Variants in FRAS1 observed in about 807,000 individuals in gnomAD.
FRAS1 encodes the protein Fraser extracellular matrix complex subunit 1, also known as extracellular matrix organizing protein FRAS1.
A neutral mutation model predicts 435.2 loss-of-function variants in FRAS1; 290 were observed. The observed-to-expected ratio is 0.67, with a 90% CI of 0.61 to 0.73. FRAS1 has a LOEUF of 0.73. Among genes scored for constraint, FRAS1 ranks in the 30% least tolerant of loss-of-function variants. The pLI, the probability that FRAS1 is intolerant of heterozygous loss-of-function variation, is 0.00. For missense variants in FRAS1, 4,860 were observed against 5,001.5 expected, an observed-to-expected ratio of 0.97 and a Z score of 0.85; for synonymous variants, 1,800 against 1,851.0, an observed-to-expected ratio of 0.97 and a Z score of 0.71.
At chr4:78,414,909 G>T (rs60206494) in intron 32 of FRAS1, among the ~76,000 whole-genome samples, 1 of 152,194 alleles carries the variant, frequency 6.6e-6, no homozygotes, top group Non-Finnish European at 1.5e-5. Flanking sequence ...GCAGAGCAAT[G>T]ATATGGGAGC....
chr4:78,065,081 T>TATATATATACACACACACACAC (rs762909923), intron 1 of FRAS1, among the ~76,000 whole-genome samples: 1 of 125,692 alleles, frequency 8.0e-6, no homozygotes, highest in African/African-American at 3.0e-5. Context: ...TATATATATA[T>TATATATATACACACACACACAC]ATACATACAC....
At chr4:78,411,108 A>ATTTTTTTTTTTTTTTTTTTTTTTTTTT (rs369399937) in intron 31 of FRAS1, among the ~76,000 whole-genome samples, 1 of 142,856 alleles carries the variant, frequency 7.0e-6, no homozygotes. Flanking sequence ...AGTTGCATGG[A>ATTTTTTTTTTTTTTTTTTTTTTTTTTT]TTTTTTTTCT....
chr4:78,252,324 T>C (rs946206158), intron 4 of FRAS1, 68 bp from the exon 5 acceptor site: 1 of 1,463,242 alleles, frequency 6.8e-7, no homozygotes, highest in East Asian at 2.3e-5. Context: ...GATTTGTTTC[T>C]ATTTGGCTGA....
At chr4:78,068,174 G>C (rs1242889450) in intron 2 of FRAS1, among the ~76,000 whole-genome samples, 1 of 152,144 alleles carries the variant, frequency 6.6e-6, no homozygotes, top group Non-Finnish European at 1.5e-5. Flanking sequence ...TGCCTTCATA[G>C]AGCTTGAATT....
intron 14 of FRAS1, among the ~76,000 whole-genome samples, chr4:78,307,610 C>A (rs1406126220): frequency 2.0e-5 from 3 of 152,158 alleles, no homozygotes; most frequent in African/African-American, 7.2e-5. Flanking sequence ...TGGGAGTGAC[C>A]CGATTTTCCA....
intron 59 of FRAS1, among the ~76,000 whole-genome samples, chr4:78,490,321 A>G (rs1720310229): frequency 6.6e-6 from 1 of 152,208 alleles, no homozygotes. Flanking sequence ...AGACATCTAC[A>G]GAGCTCTCCA....
rs761112583 is a variant in FRAS1 at position 78,333,268 on chromosome 4, C to A, written c.2138-4C>A. ...TTGTCTCCTTTGCTTTATCTTTCCC[C>A]CAGCTTGCCACCAGTCCTGTTTCAG... On this transcript the variant is annotated splice_region_variant and splice_polypyrimidine_tract_variant and intron_variant, in intron 18 of 73. Transcript: ENST00000512123. The A allele has an allele frequency of 6.2e-7, 1 of 1,600,312 alleles. No homozygotes were observed. The highest frequency in any genetic ancestry group is 1.7e-5 in the Admixed American group (1 of 58,336).
At chr4:78,466,092 C>A in intron 49 of FRAS1, 116 bp from the exon 50 acceptor site, 2 of 737,828 alleles carry the variant, frequency 2.7e-6, no homozygotes, top group South Asian at 1.8e-5. Context: ...AAATACAGTC[C>A]TTACTTTATC....
chr4:78,087,072 C>T (rs1474894833), intron 2 of FRAS1, among the ~76,000 whole-genome samples: 7 of 152,178 alleles, frequency 4.6e-5, no homozygotes, highest in African/African-American at 1.7e-4. Flanking sequence ...AAAGCCTATC[C>T]ACCATGATCA....
chr4:78,207,913 G>T (rs1442542456), intron 2 of FRAS1, among the ~76,000 whole-genome samples: 1 of 152,144 alleles, frequency 6.6e-6, no homozygotes, highest in East Asian at 1.9e-4. Flanking sequence ...CTAGATTGCA[G>T]CTCCCACTTG....
At chr4:78,263,959 A>G (rs1726233255) in intron 6 of FRAS1, among the ~76,000 whole-genome samples, 1 of 152,178 alleles carries the variant, frequency 6.6e-6, no homozygotes, top group African/African-American at 2.4e-5. Context: ...ACCCCTCCCA[A>G]GTAGACTGGC....
At position 78,430,396 on chromosome 4, in the gene FRAS1, T is replaced by C. The variant is rs1734167953; in HGVS notation, c.4948T>C (p.Phe1650Leu). 3 of 1,613,396 alleles carry C rather than the reference T, an allele frequency of 1.9e-6. No homozygotes were observed. The highest frequency in any genetic ancestry group is 2.2e-5 in the South Asian group (2 of 91,014). ...TGTGCTTCTTAAGCATACAGCTGAG[T>C]TCCGAAGGCCGATGGCCACAGGTAG... ...HGVLLKHTAE[F>L]RRPMATGDTF... Residue 1650 changes from phenylalanine (F) to leucine (L), a missense_variant, in exon 37 of 74, where the codon TTC becomes CTC. Transcript: ENST00000512123.
intron 67 of FRAS1, among the ~76,000 whole-genome samples, chr4:78,520,799 G>A (rs1169940827): frequency 6.6e-6 from 1 of 152,180 alleles, no homozygotes; most frequent in Non-Finnish European, 1.5e-5. Flanking sequence ...ACAAAGGGCT[G>A]GCAGTGTAGT....
At chr4:78,071,988 C>T (rs1740376143) in intron 2 of FRAS1, 1 of 151,470 alleles carries the variant, frequency 6.6e-6, no homozygotes, top group South Asian at 2.1e-4. Flanking sequence ...AACACAGTTA[C>T]AACACTACTC....
intron 22 of FRAS1, 50 bp from the exon 23 acceptor site, chr4:78,369,788 A>G (rs1317326908): frequency 6.4e-7 from 1 of 1,553,536 alleles, no homozygotes; most frequent in Non-Finnish European, 8.8e-7. Flanking sequence ...TCAGTGCTTC[A>G]GTATTTGCAA....
intron 66 of FRAS1, among the ~76,000 whole-genome samples, chr4:78,518,746 G>C (rs368789108): frequency 6.6e-6 from 1 of 152,108 alleles, no homozygotes; most frequent in Non-Finnish European, 1.5e-5. Flanking sequence ...ACTGAAGTAC[G>C]TGCAGCTCTG....
intron 35 of FRAS1, among the ~76,000 whole-genome samples, chr4:78,425,821 T>G (rs1733976689): frequency 6.6e-6 from 1 of 152,210 alleles, no homozygotes; most frequent in Non-Finnish European, 1.5e-5. Context: ...ATTTTAAACC[T>G]AAGGATACCA....
At chr4:78,130,272 G>T (rs1439998763) in intron 2 of FRAS1, among the ~76,000 whole-genome samples, 2 of 152,060 alleles carry the variant, frequency 1.3e-5, no homozygotes, top group Non-Finnish European at 2.9e-5. Flanking sequence ...ATAGCGTTTG[G>T]CACATACAAA....
intron 29 of FRAS1, among the ~76,000 whole-genome samples, chr4:78,396,557 T>G (rs1037529075): frequency 6.6e-6 from 1 of 152,224 alleles, no homozygotes; most frequent in Non-Finnish European, 1.5e-5. Context: ...ATCATCTCAT[T>G]CTGTCAGAAA....
Sources: gnomAD v4.1 joint callset for allele counts (sites outside exome capture counted in the v4.1 genomes callset) on GRCh38, gnomAD v4.1.1 for gene constraint, MANE v1.5 for transcripts, NCBI Gene and HGNC (gene_info 2026-07-23, HGNC 2026-07-21) for gene names.